GDA: variants seen among roughly 807,000 people sequenced by gnomAD.
GDA encodes guanine deaminase, also known as cytoplasmic PSD-95 interactor.
Under a neutral mutation model 59.6 loss-of-function variants are expected in GDA, and 18 were observed. That is an observed-to-expected ratio of 0.30 (90% CI 0.21 to 0.45). The LOEUF (loss-of-function observed/expected upper bound fraction) is 0.45, where lower values mean the gene tolerates loss of function less well. Among genes scored for constraint, GDA ranks in the 20% least tolerant of loss-of-function variants. GDA has a pLI of 1.00. For synonymous variants in GDA, 201 were observed against 201.1 expected (o/e 1.00, Z 0.00); for missense variants, 427 against 552.3 (o/e 0.77, Z 2.27).
At chr9:72,179,044 A>G (rs990138576) in intron 1 of GDA, among the ~76,000 whole-genome samples, 4 of 152,140 alleles carry the variant, frequency 2.6e-5, no homozygotes, top group Non-Finnish European at 5.9e-5. Context: ...GCTCAATGAT[A>G]TGTTTCCAGA....
intron 1 of GDA, among the ~76,000 whole-genome samples, chr9:72,116,572 G>A (rs1174739471): frequency 5.9e-5 from 9 of 151,758 alleles, no homozygotes; most frequent in Non-Finnish European, 1.5e-5. Flanking sequence ...TAGTAGAGAC[G>A]GAGTTTCACT....
At chr9:72,179,984 G>T (rs1041778479) in intron 1 of GDA, among the ~76,000 whole-genome samples, 2 of 149,054 alleles carry the variant, frequency 1.3e-5, no homozygotes, top group Non-Finnish European at 3.0e-5. Context: ...GGCGGGGGGG[G>T]TTAGGACTGT....
chr9:72,242,786 C>T (rs1839765367), intron 11 of GDA, among the ~76,000 whole-genome samples: 1 of 152,206 alleles, frequency 6.6e-6, no homozygotes, highest in Admixed American at 6.5e-5. Flanking sequence ...TTCACCCACA[C>T]CACCATTGTC....
chr9:72,131,302 A>T (rs1826016222), intron 1 of GDA, among the ~76,000 whole-genome samples: 1 of 152,204 alleles, frequency 6.6e-6, no homozygotes, highest in Non-Finnish European at 1.5e-5. Flanking sequence ...GGGCACGGAC[A>T]CAGGGAAGGG....
At chr9:72,248,105 A>G (rs1023178815) in intron 13 of GDA, among the ~76,000 whole-genome samples, 167 bp from the exon 14 acceptor site, 2 of 152,174 alleles carry the variant, frequency 1.3e-5, no homozygotes, top group Non-Finnish European at 2.9e-5. Flanking sequence ...ATTTTCTACT[A>G]GTCATATCTT....
At chr9:72,212,603 G>A (rs145688763) in intron 4 of GDA, among the ~76,000 whole-genome samples, 16 of 152,200 alleles carry the variant, frequency 1.1e-4, no homozygotes, top group Non-Finnish European at 1.6e-4. Flanking sequence ...TACATATATA[G>A]GTTTAGACCT....
intron 1 of GDA, among the ~76,000 whole-genome samples, chr9:72,130,689 C>G (rs1367434872): frequency 6.6e-6 from 1 of 152,160 alleles, no homozygotes; most frequent in Non-Finnish European, 1.5e-5. Context: ...ACAGGAATAA[C>G]AAGGCAGGCA....
In GDA at chr9:72,231,120, C is replaced by A. The variant is rs1838287927; in HGVS notation, c.927C>A (p.Ser309Arg). The change falls in exon 10 of 14, where the codon AGC becomes AGA. Residue 309 changes from serine (S) to arginine (R), a missense_variant. By Grantham distance (110) the Ser-to-Arg change is moderately radical (BLOSUM62 -1). Coordinates refer to ENST00000358399, the MANE Select transcript of GDA (RefSeq NM_004293.5). ...AHCPNSNLSLSSGFLNVLEVL... is the reference protein window; with the variant it reads ...AHCPNSNLSLRSGFLNVLEVL... ...ACATCTCCTCTCTCTACAGGCTCAG[C>A]AGTGGATTTCTAAATGTGCTAGAAG... 1.9e-6 allele frequency: 3 copies of A among 1,575,886 alleles called. No individual in the cohort carries two copies. Among genetic ancestry groups the A allele is most frequent in the Non-Finnish European group, 2.6e-6 (3 of 1,145,156 alleles).
In GDA at chr9:72,250,863, C is replaced by T. The variant is rs1041636264; in HGVS notation, c.*2521C>T. ...AAAGGTAAAAACAATTCAAAAGTATCGATTATCATAAATTCACAAAATATT... is the reference window on the plus strand; with the variant it reads ...AAAGGTAAAAACAATTCAAAAGTATTGATTATCATAAATTCACAAAATATT... On this transcript the variant is annotated 3_prime_UTR_variant, in exon 14 of 14. Coordinates refer to ENST00000358399, the MANE Select transcript of GDA (RefSeq NM_004293.5). The T allele has an allele frequency of 3.8e-6, 6 of 1,594,892 alleles. No individual in the cohort carries two copies. The highest frequency in any genetic ancestry group is 1.7e-5 in the Admixed American group (1 of 59,128).
intron 10 of GDA, among the ~76,000 whole-genome samples, chr9:72,239,682 G>A (rs1587776923): frequency 6.6e-6 from 1 of 152,116 alleles, no homozygotes; most frequent in African/African-American, 2.4e-5. Context: ...AGCTTAATGT[G>A]TGTAGTTCCC....
chr9:72,208,091 T>G (rs2131402355), intron 3 of GDA, among the ~76,000 whole-genome samples: 1 of 150,500 alleles, frequency 6.6e-6, no homozygotes, highest in South Asian at 2.1e-4. Flanking sequence ...AGCAAGACCC[T>G]GTCTCAAAAA....
intron 1 of GDA, among the ~76,000 whole-genome samples, chr9:72,171,998 A>G (rs1033258846): frequency 6.6e-6 from 1 of 152,210 alleles, no homozygotes; most frequent in Admixed American, 6.5e-5. Flanking sequence ...CAGCTGATAC[A>G]TGCTACATGA....
chr9:72,140,829 G>C (rs773364464), intron 1 of GDA, among the ~76,000 whole-genome samples: 7 of 152,128 alleles, frequency 4.6e-5, no homozygotes, highest in Admixed American at 1.3e-4. Context: ...TGTAGTCTGA[G>C]ATCTAAGGGA....
intron 1 of GDA, among the ~76,000 whole-genome samples, chr9:72,150,607 T>A (rs1271291245): frequency 6.6e-6 from 1 of 152,148 alleles, no homozygotes; most frequent in African/African-American, 2.4e-5. Context: ...GAGATGGGAT[T>A]TTTTGAGCTG....
intron 1 of GDA, among the ~76,000 whole-genome samples, chr9:72,189,751 G>A (rs1832304905): frequency 6.6e-6 from 1 of 152,122 alleles, no homozygotes; most frequent in South Asian, 2.1e-4. Flanking sequence ...TTAGATGGGA[G>A]GATCATTTGA....
chr9:72,151,312 G>A (rs1827169392), intron 1 of GDA, among the ~76,000 whole-genome samples: 1 of 152,158 alleles, frequency 6.6e-6, no homozygotes, highest in Admixed American at 6.5e-5. Flanking sequence ...GAGTTAGTCA[G>A]TGGCTGGAAT....
chr9:72,228,863 G>C (rs1301000450), intron 9 of GDA: 1 of 152,234 alleles, frequency 6.6e-6, no homozygotes. Context: ...ACTCCAGCCT[G>C]GGTGACAGAG....
chr9:72,122,746 C>T (rs1360197745), intron 1 of GDA, among the ~76,000 whole-genome samples: 1 of 152,064 alleles, frequency 6.6e-6, no homozygotes, highest in Non-Finnish European at 1.5e-5. Context: ...TTCTTTTTCA[C>T]TGATGACAAT....
intron 2 of GDA, among the ~76,000 whole-genome samples, chr9:72,198,089 T>C (rs1056758185): frequency 1.3e-5 from 2 of 152,128 alleles, no homozygotes; most frequent in African/African-American, 4.8e-5. Flanking sequence ...TAAGACAATA[T>C]TTTAAAATAT....
Sources: allele counts gnomAD v4.1 joint callset (sites outside exome capture counted in the v4.1 genomes callset), GRCh38; gene constraint gnomAD v4.1.1; transcripts MANE v1.5; gene names NCBI Gene and HGNC (gene_info 2026-07-23, HGNC 2026-07-21).